Variants in PRAMEF10 observed in about 807,000 individuals in gnomAD.
PRAMEF10 encodes PRAME family member 10.
Under a neutral mutation model 27.7 loss-of-function variants are expected in PRAMEF10, and 4 were observed. The observed-to-expected ratio is 0.14, with a 90% CI of 0.07 to 0.33. PRAMEF10 has a LOEUF of 0.33. PRAMEF10 is among the 10% of genes least tolerant of loss of function. The probability of loss-of-function intolerance (pLI) is 1.00; values close to 1 mark genes in which losing one functional copy is unlikely to be tolerated. For synonymous variants in PRAMEF10, 46 were observed against 176.0 expected (o/e 0.26, Z 5.85); for missense variants, 99 against 453.9 (o/e 0.22, Z 7.10).
chr1:12,893,983 G>C (rs1191401296), intron 3 of PRAMEF10, among the ~76,000 whole-genome samples: 4 of 141,192 alleles, frequency 2.8e-5, no homozygotes, highest in Admixed American at 7.2e-5. Context: ...CTGGAGTGTA[G>C]TGGCACCGAC....
rs1641157607 is a variant in PRAMEF10 at position 12,893,277 on chromosome 1, A to G, written c.1064T>C (p.Val355Ala). Residue 355 changes from valine to alanine, a missense_variant, in exon 4 of 4, where the codon GTC (valine) becomes GCC (alanine). Val to Ala is a moderately conservative substitution (Grantham distance 64). Coordinates refer to ENST00000235347, the MANE Select transcript of PRAMEF10 (RefSeq NM_001039361.4). ...EKVAATLKTL[V>A]LKDCRIQDPQ... is the part of the protein sequence containing the mutation. ...GTCCTGGATCCGACAGTCCTTTAAG[A>G]CGAGGGTCTTGAGAGTAGCAGCAAC... is the stretch of plus-strand genomic sequence containing the variant. 1 of 1,611,678 alleles carries G rather than the reference A, an allele frequency of 6.2e-7. No homozygotes were observed. The highest frequency in any genetic ancestry group is 2.2e-5 in the East Asian group (1 of 44,888).
chr1:12,893,461 G>C lies in PRAMEF10; in HGVS notation c.880C>G (p.Pro294Ala), dbSNP rs1161473564. 3.8e-6 allele frequency: 6 copies of C among 1,597,886 alleles called. No homozygotes were observed. In the South Asian group the frequency reaches 5.5e-5, roughly 15 times the overall value. ...TCACTGAATATAAAGGCCCCCAAGGGGTTCTTGAGGTACCTGGGGAGAGCA... is the reference window on the plus strand; with the variant it reads ...TCACTGAATATAAAGGCCCCCAAGGCGTTCTTGAGGTACCTGGGGAGAGCA... The part of the protein sequence containing the change: ...LEHLLRYLKN[P>A]LGAFIFSDAY... The change falls in exon 4 of 4, where the codon CCC becomes GCC. Residue 294 changes from proline (P) to alanine (A), a missense_variant. By Grantham distance (27) the Pro-to-Ala change is conservative. Coordinates refer to ENST00000235347, the MANE Select transcript of PRAMEF10 (RefSeq NM_001039361.4).
At chr1:12,893,986 G>A (rs1372752078) in intron 3 of PRAMEF10, among the ~76,000 whole-genome samples, 4 of 142,144 alleles carry the variant, frequency 2.8e-5, no homozygotes, top group African/African-American at 7.8e-5. Context: ...GAGTGTAGTG[G>A]CACCGACTCA....
At chr1:12,897,666 GGCCAGCATGGT>G (rs1268402705) in intron 1 of PRAMEF10, among the ~76,000 whole-genome samples, 17 of 149,462 alleles carry the variant, frequency 1.1e-4, no homozygotes, top group Admixed American at 1.0e-3. Flanking sequence ...AGACCAACTT[GGCCAGCATGGT>G]GAAACCCCAC....
intron 3 of PRAMEF10, among the ~76,000 whole-genome samples, chr1:12,893,742 C>T (rs1641167202): frequency 1.0e-5 from 1 of 99,346 alleles, no homozygotes; most frequent in South Asian, 3.4e-4. Flanking sequence ...GTCCTTTCAC[C>T]CTTGCCTGTG....
rs1334564955 is a variant in PRAMEF10 at position 12,893,217 on chromosome 1, T to C, written c.1124A>G (p.His375Arg). ...QLRVLLPALSHCSQLTTFNFH... is the reference protein window; with the variant it reads ...QLRVLLPALSRCSQLTTFNFH... Reference sequence around the variant, plus strand: ...GTTGAAGGTGGTGAGCTGGGAACAGTGGCTCAGGGCAGGCAGGAGGACCCT... The same window carrying C: ...GTTGAAGGTGGTGAGCTGGGAACAGCGGCTCAGGGCAGGCAGGAGGACCCT... Residue 375 changes from histidine to arginine, a missense_variant, in exon 4 of 4, where the codon CAC (histidine) becomes CGC (arginine). Coordinates refer to ENST00000235347, the MANE Select transcript of PRAMEF10 (RefSeq NM_001039361.4). The C allele has an allele frequency of 1.6e-5, 25 of 1,603,588 alleles. No homozygotes were observed. Among genetic ancestry groups the C allele is most frequent in the African/African-American group, 1.1e-4 (8 of 74,228 alleles).
At position 12,896,287 on chromosome 1, in the gene PRAMEF10, G is replaced by C. The variant is rs971953972; in HGVS notation, c.-25-415C>G. On this transcript the variant is annotated intron_variant, in intron 1 of 3. Coordinates refer to ENST00000235347, the MANE Select transcript of PRAMEF10 (RefSeq NM_001039361.4). ...ATTCCACCCGCCTTGGCCTCCCAAA[G>C]TACTGGGATTACAGGCGTAATCCTC... is the stretch of plus-strand genomic sequence containing the variant. Among the ~76,000 whole-genome samples the C allele has an allele frequency of 4.7e-5, 7 of 149,988 alleles. 1 individual carries two copies. Among genetic ancestry groups the C allele is most frequent in the Non-Finnish European group, 1.0e-4 (7 of 67,566 alleles).
rs201010116 is a variant in PRAMEF10 at position 12,892,902 on chromosome 1, G to C, written c.*14C>G. On this transcript the variant is annotated 3_prime_UTR_variant, in exon 4 of 4. Transcript: ENST00000235347. ...CCAGAAGAAAGCTTATCCATCCCAC[G>C]AACCAGGCCTTCCCTAGGAGCAAAG... 5.6e-5 allele frequency: 89 copies of C among 1,578,860 alleles called. 1 individual carries two copies. The highest frequency in any genetic ancestry group is 8.7e-5 in the Admixed American group (5 of 57,680).
At position 12,895,084 on chromosome 1, in the gene PRAMEF10, GAGAGGACCCTGGCTCC is replaced by G; in HGVS notation, c.352_367del (p.Gly118ProfsTer7). 6.8e-7 allele frequency: 1 copy of G among 1,475,040 alleles called. No individual in the cohort carries two copies. Among genetic ancestry groups the G allele is most frequent in the Non-Finnish European group, 9.4e-7 (1 of 1,062,540 alleles). The allele number at this position is 1,475,040 out of a possible 1,614,324, so 91.4% of individuals were successfully genotyped here. On this transcript the variant is annotated frameshift_variant, in exon 3 of 4. Coordinates refer to ENST00000235347, the MANE Select transcript of PRAMEF10 (RefSeq NM_001039361.4). LOFTEE classifies it high-confidence loss of function. ...CTTACTCATGGCCTCTGGGGAGCAG[GAGAGGACCCTGGCTCC>G]AGACCATATGGTCCAGAAATTCTCA...
chr1:12,893,604 G>T, intron 3 of PRAMEF10, 130 bp from the exon 4 acceptor site: 1 of 714,482 alleles, frequency 1.4e-6, no homozygotes, highest in Non-Finnish European at 2.3e-6. Flanking sequence ...AGGTGTTATA[G>T]TAACTGCAAT....
Position 12,892,978 on chromosome 1 carries a change from C to G in PRAMEF10, c.1363G>C (p.Val455Leu). The change falls in exon 4 of 4, where the codon GTC becomes CTC. Residue 455 changes from valine to leucine, a missense_variant. Val to Leu is a conservative substitution (Grantham distance 32). Transcript: ENST00000235347. ...RQPKRIFFGP[V>L]PCPNCGSWPS... ...CATGAGCCACAGTTAGGGCAAGGGA[C>G]GGGACCAAAGAAGATCCTCTTGGGC... 6.4e-7 allele frequency: 1 copy of G among 1,572,356 alleles called. No homozygotes were observed. Among genetic ancestry groups the G allele is most frequent in the Non-Finnish European group, 8.7e-7 (1 of 1,151,990 alleles).
In PRAMEF10 at chr1:12,895,006, A is replaced by G. The variant is rs1417646630; in HGVS notation, c.446T>C (p.Val149Ala). ...TTCCTTTAGGCAGAGGTCTATGAAC[A>G]CCTTCAAGGGCTGGCGCTCTCCCAT... ...PRMGERQPLK[V>A]FIDLCLKEST... The change falls in exon 3 of 4, where the codon GTG (valine) becomes GCG (alanine). Residue 149 changes from valine to alanine, a missense_variant. By Grantham distance (64) the Val-to-Ala change is moderately conservative. Coordinates refer to ENST00000235347, the MANE Select transcript of PRAMEF10 (RefSeq NM_001039361.4). The G allele has an allele frequency of 2.5e-6, 4 of 1,609,504 alleles. No homozygotes were observed. Among genetic ancestry groups the G allele is most frequent in the Middle Eastern group, 4.5e-4 (2 of 4,440 alleles).
chr1:12,894,152 A>G (rs1400175555), intron 3 of PRAMEF10, among the ~76,000 whole-genome samples: 2 of 149,800 alleles, frequency 1.3e-5, no homozygotes, highest in African/African-American at 4.9e-5. Flanking sequence ...TGACCTCATG[A>G]TCTCCCTGCC....
chr1:12,896,434 C>A (rs1291191779), intron 1 of PRAMEF10, among the ~76,000 whole-genome samples: 7 of 149,858 alleles, frequency 4.7e-5, no homozygotes, highest in African/African-American at 7.4e-5. Context: ...TCAAAATGAA[C>A]CACTTTGGCT....
intron 3 of PRAMEF10, among the ~76,000 whole-genome samples, chr1:12,894,035 A>C (rs1641171200): frequency 6.7e-6 from 1 of 148,704 alleles, no homozygotes; most frequent in East Asian, 2.1e-4. Context: ...TCAGTCTCCC[A>C]AGCAGCTGGG....
rs199999065 is a variant in PRAMEF10 at position 12,895,039 on chromosome 1, C to G, written c.413G>C (p.Cys138Ser). 6.2e-6 allele frequency: 10 copies of G among 1,609,260 alleles called. No individual in the cohort carries two copies. The highest frequency in any genetic ancestry group is 8.5e-6 in the Non-Finnish European group (10 of 1,178,560). The change falls in exon 3 of 4, where the codon TGT becomes TCT. Residue 138 changes from cysteine (C) to serine (S), a missense_variant. Cys to Ser is a moderately radical substitution (Grantham distance 112). Transcript: ENST00000235347. ...GGGCTGGCGCTCTCCCATCCTTGGACAGTCCTCCACTGTCTGCCTCTTACT... is the reference window on the plus strand; with the variant it reads ...GGGCTGGCGCTCTCCCATCCTTGGAGAGTCCTCCACTGTCTGCCTCTTACT... Reference protein sequence around the residue: ...AMSKRQTVEDCPRMGERQPLK... With the variant: ...AMSKRQTVEDSPRMGERQPLK...
intron 1 of PRAMEF10, among the ~76,000 whole-genome samples, chr1:12,896,117 A>G (rs1471870711): frequency 1.4e-5 from 2 of 147,528 alleles, no homozygotes; most frequent in African/African-American, 5.0e-5. Context: ...CACTGTTGCA[A>G]TAAACTCATA....
chr1:12,893,884 C>T (rs1641169150), intron 3 of PRAMEF10, among the ~76,000 whole-genome samples: 1 of 127,936 alleles, frequency 7.8e-6, no homozygotes, highest in African/African-American at 3.0e-5. Context: ...TGCTAAGCTG[C>T]TGAAGACAGA....
At chr1:12,896,017 AG>A (rs1220018284) in intron 1 of PRAMEF10, 145 bp from the exon 2 acceptor site, 1 of 460,158 alleles carries the variant, frequency 2.2e-6, no homozygotes, top group African/African-American at 2.1e-5. Flanking sequence ...GTGGCTACAG[AG>A]GCATGGTTCT....
Sources: allele counts gnomAD v4.1 joint callset (sites outside exome capture counted in the v4.1 genomes callset), GRCh38; gene constraint gnomAD v4.1.1; transcripts MANE v1.5; gene names NCBI Gene and HGNC (gene_info 2026-07-23, HGNC 2026-07-21).